The following UBR3 variants were observed in gnomAD, a reference collection of about 807,000 sequenced individuals.
UBR3 encodes the protein E3 ubiquitin-protein ligase UBR3.
Under a neutral mutation model 243.2 loss-of-function variants are expected in UBR3, and 85 were observed. The observed-to-expected ratio is 0.35, with a 90% CI of 0.29 to 0.42. The LOEUF is 0.42. Ranked by LOEUF, UBR3 falls within the 10% of genes least tolerant of loss-of-function variation. The pLI is 1.00. For synonymous variants in UBR3, 748 were observed against 799.8 expected (o/e 0.94, Z 1.09); for missense variants, 1,686 against 2,300.8 (o/e 0.73, Z 5.47).
chr2:170,017,697 C>T (rs2090287053), intron 30 of UBR3, among the ~76,000 whole-genome samples: 1 of 152,070 alleles, frequency 6.6e-6, no homozygotes, highest in African/African-American at 2.4e-5. Context: ...ACTACATCTT[C>T]AAACATTTTT....
chr2:169,840,790 G>A (rs149149713), intron 1 of UBR3, among the ~76,000 whole-genome samples: 84 of 152,280 alleles, frequency 5.5e-4, no homozygotes, highest in African/African-American at 1.8e-3. Flanking sequence ...TTAGCAACAT[G>A]TGGACACTGG....
At chr2:169,987,988 A>G (rs1359518437) in intron 25 of UBR3, among the ~76,000 whole-genome samples, 1 of 152,202 alleles carries the variant, frequency 6.6e-6, no homozygotes, top group Non-Finnish European at 1.5e-5. Context: ...TGCCTAGTAA[A>G]TTCGTTTCTT....
At chr2:169,924,221 A>G in intron 13 of UBR3, 48 bp downstream of exon 13, 1 of 1,373,856 alleles carries the variant, frequency 7.3e-7, no homozygotes, top group Non-Finnish European at 9.9e-7. Flanking sequence ...TCCTTGTTTA[A>G]GTGATTCTTC....
intron 25 of UBR3, among the ~76,000 whole-genome samples, chr2:169,987,455 A>G (rs1475029058): frequency 1.3e-5 from 2 of 151,412 alleles, no homozygotes; most frequent in East Asian, 3.9e-4. Context: ...GAAACTCCTT[A>G]GCCCATAAAT....
In UBR3 at chr2:169,965,131, T is replaced by TTC. The variant is rs745946523; in HGVS notation, c.3634+6605_3634+6606insTC. ...TGTTTGAGACCCCATTTTCACCCAT[T>TTC]GCTCAAGATAAAACTTGCAAAGTCA... On this transcript the variant is annotated intron_variant, in intron 24 of 38. Transcript: ENST00000272793. 7.9e-5 allele frequency among the ~76,000 whole-genome samples: 12 copies of TTC among 152,324 alleles called. No homozygotes were observed. The East Asian group carries it at 2.3e-3, about 29-fold the overall frequency.
At chr2:169,908,814 A>G (rs2085123925) in intron 10 of UBR3, among the ~76,000 whole-genome samples, 1 of 139,258 alleles carries the variant, frequency 7.2e-6, no homozygotes, top group African/African-American at 2.6e-5. Flanking sequence ...TAGGAAAGTG[A>G]TTGGTCCTTT....
At chr2:169,856,640 G>C (rs542905273) in intron 1 of UBR3, among the ~76,000 whole-genome samples, 76 of 152,296 alleles carry the variant, frequency 5.0e-4, no homozygotes, top group African/African-American at 1.6e-3. Flanking sequence ...AGACCAGCCC[G>C]GCCAACACGG....
At chr2:170,031,807 A>C (rs929630596) in intron 31 of UBR3, among the ~76,000 whole-genome samples, 10 of 152,180 alleles carry the variant, frequency 6.6e-5, no homozygotes, top group Non-Finnish European at 1.0e-4. Flanking sequence ...TAATTCGCTT[A>C]GGATCATGGC....
intron 25 of UBR3, among the ~76,000 whole-genome samples, chr2:169,987,506 C>T (rs915922795): frequency 3.3e-5 from 5 of 151,186 alleles, no homozygotes; most frequent in African/African-American, 9.7e-5. Flanking sequence ...TTAGACAGCT[C>T]TGCCTTTATT....
At chr2:169,872,415 T>G in intron 2 of UBR3, 40 bp downstream of exon 2, 2 of 1,362,522 alleles carry the variant, frequency 1.5e-6, no homozygotes, top group Non-Finnish European at 2.0e-6. Context: ...TCTTTTTAAA[T>G]TGTAAATTTA....
rs1242559993 is a variant in UBR3, at chr2:169,827,783, G to A, written c.276G>A (p.Glu92=). ...GGGCGGCCGAGGAGGAGGCCCTGGA[G>A]TGGTGTAAGTGCCTTCTGGCGGGCG... The part of the protein sequence containing the change: ...GPGAAEEEAL[E]WCKCLLAGGG... The change falls in exon 1 of 39, where the codon GAG becomes GAA. Residue 92 remains glutamate, a synonymous_variant. Coordinates refer to ENST00000272793, the MANE Select transcript of UBR3 (RefSeq NM_172070.4). 4.1e-6 allele frequency: 6 copies of A among 1,467,356 alleles called. No individual in the cohort carries two copies. In the African/African-American group the frequency reaches 8.8e-5, roughly 21 times the overall value. 90.9% of individuals were successfully genotyped at this position (1,467,356 alleles called of 1,614,324 possible).
At chr2:169,895,490 CA>C (rs1474392213) in intron 7 of UBR3, among the ~76,000 whole-genome samples, 179 bp downstream of exon 7, 2 of 152,158 alleles carry the variant, frequency 1.3e-5, no homozygotes, top group Admixed American at 6.5e-5. Flanking sequence ...AGCTTTGTGG[CA>C]AAGCAGCATT....
chr2:170,076,717 C>T (rs910798226), intron 36 of UBR3, among the ~76,000 whole-genome samples: 2 of 152,170 alleles, frequency 1.3e-5, no homozygotes, highest in African/African-American at 4.8e-5. Context: ...CACACCTCAA[C>T]GGATGATTGG....
At chr2:169,838,263 G>A (rs979412559) in intron 1 of UBR3, among the ~76,000 whole-genome samples, 7 of 152,166 alleles carry the variant, frequency 4.6e-5, no homozygotes, top group African/African-American at 1.7e-4. Context: ...AATACTTTAT[G>A]GCAGAATACA....
intron 35 of UBR3, among the ~76,000 whole-genome samples, chr2:170,065,843 A>G (rs1458560253): frequency 2.6e-5 from 4 of 151,938 alleles, no homozygotes; most frequent in Non-Finnish European, 5.9e-5. Flanking sequence ...AAAATACTAT[A>G]TGTCCCATTT....
intron 1 of UBR3, among the ~76,000 whole-genome samples, chr2:169,866,717 G>C (rs1187931668): frequency 2.0e-5 from 3 of 152,156 alleles, no homozygotes; most frequent in East Asian, 1.9e-4. Flanking sequence ...AAACCTTAAG[G>C]TGTAATGCTT....
chr2:169,855,884 C>T lies in UBR3; in HGVS notation c.546-16352C>T, dbSNP rs536482269. Among the ~76,000 whole-genome samples the T allele has an allele frequency of 4.6e-3, 694 of 152,244 alleles. 7 individuals are homozygous for T. The highest frequency in any genetic ancestry group is 0.016 in the African/African-American group (653 of 41,514). ...TGGGTACACCTCCCAGACGGGGTGG[C>T]GGCCAGGCAGAGGGGCTCCTCACTT... On this transcript the variant is annotated intron_variant, in intron 1 of 38. Transcript: ENST00000272793.
chr2:169,946,278 CT>C lies in UBR3; in HGVS notation c.2806-5del. On this transcript the variant is annotated splice_polypyrimidine_tract_variant and intron_variant, in intron 20 of 38. Coordinates refer to ENST00000272793, the MANE Select transcript of UBR3 (RefSeq NM_172070.4). ...AAGTAATTATGAGGCATTTTCTTCC[CT>C]TTTTAAAGATTTTGATGGATCATCA... 7.0e-7 allele frequency: 1 copy of C among 1,438,724 alleles called. No individual in the cohort carries two copies. Among genetic ancestry groups the C allele is most frequent in the South Asian group, 1.4e-5 (1 of 69,108 alleles). The allele number at this position is 1,438,724 out of a possible 1,614,324, so 89.1% of individuals were successfully genotyped here. A position where few individuals can be genotyped will look rare whatever the true frequency, so the allele number is the denominator to read the frequency against.
intron 32 of UBR3, among the ~76,000 whole-genome samples, chr2:170,052,156 C>T (rs2091233732): frequency 6.6e-6 from 1 of 152,114 alleles, no homozygotes; most frequent in Admixed American, 6.6e-5. Flanking sequence ...TATGAGATAC[C>T]ACCATCACCC....
Sources: allele counts gnomAD v4.1 joint callset (sites outside exome capture counted in the v4.1 genomes callset), GRCh38; gene constraint gnomAD v4.1.1; transcripts MANE v1.5; gene names NCBI Gene and HGNC (gene_info 2026-07-23, HGNC 2026-07-21).